BCORL1: variants seen among roughly 807,000 people sequenced by gnomAD.
The protein encoded by BCORL1 is BCL6 corepressor like 1.
A neutral mutation model predicts 87.6 loss-of-function variants in BCORL1; 7 were observed. That is an observed-to-expected ratio of 0.08 (90% CI 0.05 to 0.15). The LOEUF (loss-of-function observed/expected upper bound fraction) is 0.15. Among genes scored for constraint, BCORL1 ranks in the 10% least tolerant of loss-of-function variants. BCORL1 has a pLI of 1.00. For missense variants in BCORL1, 1,215 were observed against 1,499.7 expected (o/e 0.81, Z 3.13); for synonymous variants, 591 against 634.4 (o/e 0.93, Z 1.03).
Position 130,028,742 on chromosome X carries a change from C to T in BCORL1, c.4186C>T (p.Pro1396Ser), listed in dbSNP as rs1930394931. Reference sequence around the variant, plus strand: ...CAAAGTCCAGGGGATCTCGGATTCACCAAACGGTTTCCTCCCAAATAACCT... The same window carrying T: ...CAAAGTCCAGGGGATCTCGGATTCATCAAACGGTTTCCTCCCAAATAACCT... The part of the protein sequence containing the change: ...PNKVQGISDS[P>S]NGFLPNNLEE... The change falls in exon 8 of 14, where the codon CCA (proline) becomes TCA (serine). Residue 1396 changes from proline (P) to serine (S), a missense_variant. Pro to Ser is a moderately conservative substitution (Grantham distance 74). Transcript: ENST00000540052. 8.3e-7 allele frequency: 1 copy of T among 1,208,054 alleles called. No individual in the cohort carries two copies. The highest frequency in any genetic ancestry group is 1.1e-6 in the Non-Finnish European group (1 of 894,649).
chrX:130,055,723 G>C, intron 13 of BCORL1, 131 bp from the exon 14 acceptor site: 1 of 728,804 alleles, frequency 1.4e-6, no homozygotes, highest in Non-Finnish European at 2.0e-6. Context: ...GGGGGAGCCA[G>C]ACTGGCAGTG....
chrX:130,008,300 G>T (rs1928664875), intron 2 of BCORL1, among the ~76,000 whole-genome samples: 1 of 102,921 alleles, frequency 9.7e-6, no homozygotes, highest in African/African-American at 3.6e-5. Context: ...TTTAGCTCTT[G>T]TTGCCCAGGC....
rs994456029 is a variant in BCORL1, at chrX:130,021,165, C to G, written c.3607+15C>G. 31 of 1,193,333 alleles carry G rather than the reference C, an allele frequency of 2.6e-5. No homozygotes were observed. Among genetic ancestry groups the G allele is most frequent in the Non-Finnish European group, 3.5e-5 (31 of 889,329 alleles). On this transcript the variant is annotated intron_variant, in intron 5 of 13. Transcript: ENST00000540052. ...CCACGAGGAAGGTAGGCCCCGCGGC[C>G]CTGGCCCTCTGGGCTGGGCTGCAGA...
In BCORL1 at chrX:130,015,351, T is replaced by G; in HGVS notation, c.2579T>G (p.Ile860Ser). The part of the protein sequence containing the change: ...GQLTPSQGAP[I>S]RPTSVVSEFS... ...CTGACCCCCAGTCAGGGGGCGCCCA[T>G]CAGGCCCACCAGCGTTGTTTCGGAG... Residue 860 changes from isoleucine (I) to serine (S), a missense_variant, in exon 4 of 14, where the codon ATC becomes AGC. This residue lies in a region of BCORL1 where 861 missense variants were observed against 1,010.0 expected (regional missense o/e 0.85). Coordinates refer to ENST00000540052, the MANE Select transcript of BCORL1 (RefSeq NM_001379451.1). The G allele has an allele frequency of 8.3e-7, 1 of 1,211,976 alleles. No homozygotes were observed. Among genetic ancestry groups the G allele is most frequent in the Non-Finnish European group, 1.1e-6 (1 of 895,612 alleles).
At chrX:129,999,701 A>T (rs1355771951) in intron 1 of BCORL1, among the ~76,000 whole-genome samples, 1 of 87,916 alleles carries the variant, frequency 1.1e-5, no homozygotes, top group Non-Finnish European at 2.2e-5. Flanking sequence ...CCCCAGACAG[A>T]GTCTTAACTG....
At chrX:130,016,528 G>A (rs1457730488) in intron 4 of BCORL1, among the ~76,000 whole-genome samples, 1 of 111,710 alleles carries the variant, frequency 9.0e-6, no homozygotes, top group Non-Finnish European at 1.9e-5. Flanking sequence ...AGGTATTGGT[G>A]AGGGAAATCA....
At chrX:130,040,314 A>G (rs1177489021) in intron 11 of BCORL1, among the ~76,000 whole-genome samples, 1 of 112,412 alleles carries the variant, frequency 8.9e-6, no homozygotes, top group African/African-American at 3.2e-5. Flanking sequence ...CCAGGGGCTC[A>G]TTTGTTTATC....
rs773616092 is a variant in BCORL1, at chrX:129,991,561, T to TAAACTCCTG, written c.-45+8801_-45+8809dup. On this transcript the variant is annotated intron_variant, in intron 1 of 13. Transcript: ENST00000540052. ...CTCCCTGTGTTGCCCAGGCTGTTCT[T>TAAACTCCTG]AAACTCCTGAGCTCCAGCATTCCTC... 2.8e-5 allele frequency among the ~76,000 whole-genome samples: 3 copies of TAAACTCCTG among 109,048 alleles called. No homozygotes were observed. In the East Asian group the frequency reaches 8.5e-4, roughly 31 times the overall value. 94.7% of individuals were successfully genotyped at this position (109,048 alleles called of 115,157 possible).
intron 11 of BCORL1, 25 bp from the exon 12 acceptor site, chrX:130,050,692 T>C (rs1569392935): frequency 7.5e-6 from 9 of 1,198,862 alleles, no homozygotes; most frequent in Non-Finnish European, 9.1e-6. Context: ...CCTCCTTGTC[T>C]CACTGCCTGC....
chrX:130,011,581 G>GTAACTTTACCCTTC (rs1237329391), intron 2 of BCORL1, among the ~76,000 whole-genome samples: 1 of 107,473 alleles, frequency 9.3e-6, no homozygotes, highest in Admixed American at 1.0e-4. Context: ...GGGGAGGGAG[G>GTAACTTTACCCTTC]CAGTCTGATG....
chrX:129,984,267 A>G (rs1460861181), intron 1 of BCORL1, among the ~76,000 whole-genome samples: 1 of 103,694 alleles, frequency 9.6e-6, no homozygotes, highest in African/African-American at 3.5e-5. Flanking sequence ...ACGGAGGCCA[A>G]AGAGAGTCCC....
chrX:130,051,999 A>G lies in BCORL1; in HGVS notation c.5058A>G (p.Gln1686=). The change falls in exon 13 of 14, where the codon CAA becomes CAG. Residue 1686 remains glutamine, a synonymous_variant. Coordinates refer to ENST00000540052, the MANE Select transcript of BCORL1 (RefSeq NM_001379451.1). ...CTCTTCTCCCTTGCTACAACCTCCA[A>G]GTGTCAGTGTCCCGCGGGTAAGTGT... ...DKPLLPCYNL[Q]VSVSRGPCNW... The G allele has an allele frequency of 8.3e-7, 1 of 1,197,847 alleles. No individual in the cohort carries two copies. The highest frequency in any genetic ancestry group is 1.1e-6 in the Non-Finnish European group (1 of 888,667).
intron 2 of BCORL1, among the ~76,000 whole-genome samples, chrX:130,010,102 G>A (rs759071819): frequency 1.8e-5 from 2 of 112,197 alleles, no homozygotes; most frequent in South Asian, 7.4e-4. Context: ...TGGTTCTCTG[G>A]CAGCTGCCTT....
chrX:130,051,817 TA>T, intron 12 of BCORL1, 42 bp from the exon 13 acceptor site: 1 of 1,107,879 alleles, frequency 9.0e-7, no homozygotes, highest in East Asian at 3.1e-5. Flanking sequence ...TTCGGTTTTG[TA>T]CATGTATCTG....
intron 1 of BCORL1, among the ~76,000 whole-genome samples, chrX:129,994,310 T>C (rs2124350952): frequency 8.9e-6 from 1 of 112,353 alleles, no homozygotes; most frequent in Admixed American, 9.4e-5. Flanking sequence ...TAGATGGTTC[T>C]GTTTAATATT....
chrX:130,020,071 G>T (rs773642902), intron 4 of BCORL1, among the ~76,000 whole-genome samples: 2 of 112,437 alleles, frequency 1.8e-5, no homozygotes, highest in Non-Finnish European at 3.8e-5. Flanking sequence ...GGTAGCGAGA[G>T]CTGATGCCCA....
At chrX:130,043,776 A>ATTTT (rs1325474260) in intron 11 of BCORL1, among the ~76,000 whole-genome samples, 1 of 21,430 alleles carries the variant, frequency 4.7e-5, no homozygotes, top group African/African-American at 3.6e-4. Context: ...ATATATATAT[A>ATTTT]TATATATATT....
intron 1 of BCORL1, among the ~76,000 whole-genome samples, chrX:129,987,768 A>T (rs766868165): frequency 8.9e-6 from 1 of 111,877 alleles, no homozygotes; most frequent in Non-Finnish European, 1.9e-5. Context: ...ACATGGAGTA[A>T]TTCATTGATT....
At chrX:129,987,384 G>A (rs1196994394) in intron 1 of BCORL1, among the ~76,000 whole-genome samples, 3 of 112,265 alleles carry the variant, frequency 2.7e-5, no homozygotes, top group African/African-American at 9.7e-5. Context: ...TTTTGGAGCC[G>A]GTGTTAGGGA....
Sources: gnomAD v4.1 joint callset for allele counts (sites outside exome capture counted in the v4.1 genomes callset) on GRCh38, gnomAD v4.1.1 for gene constraint, gnomAD v4.1.1 regional missense constraint, MANE v1.5 for transcripts, NCBI Gene and HGNC (gene_info 2026-07-23, HGNC 2026-07-21) for gene names.